UBE2E2: variants seen among roughly 807,000 people sequenced by gnomAD.
UBE2E2 encodes ubiquitin-conjugating enzyme E2 E2.
Under a neutral mutation model 24.7 loss-of-function variants are expected in UBE2E2, and 6 were observed. The observed-to-expected ratio is 0.24, with a 90% confidence interval of 0.13 to 0.48. UBE2E2 has a LOEUF of 0.48. Among genes scored for constraint, UBE2E2 ranks in the 20% least tolerant of loss-of-function variants. The pLI is 0.99. For synonymous variants in UBE2E2, 104 were observed against 83.6 expected, an observed-to-expected ratio of 1.24 and a Z score of -1.33; for missense variants, 169 against 245.0, an observed-to-expected ratio of 0.69 and a Z score of 2.07.
chr3:23,344,534 G>A (rs550417889), intron 3 of UBE2E2, among the ~76,000 whole-genome samples: 10 of 151,332 alleles, frequency 6.6e-5, no homozygotes, highest in Non-Finnish European at 4.4e-5. Flanking sequence ...TCCGAGTTGC[G>A]TCCCTAAAGG....
chr3:23,298,989 A>G (rs1185061696), intron 3 of UBE2E2, among the ~76,000 whole-genome samples: 1 of 152,128 alleles, frequency 6.6e-6, no homozygotes, highest in East Asian at 1.9e-4. Context: ...CTACTCAGAG[A>G]TTCAACTTCT....
intron 3 of UBE2E2, among the ~76,000 whole-genome samples, chr3:23,385,270 TAAAGG>T (rs1218208113): frequency 6.6e-6 from 1 of 152,250 alleles, no homozygotes; most frequent in African/African-American, 2.4e-5. Context: ...GGTTTTGCTG[TAAAGG>T]AATCACTTCA....
At chr3:23,431,424 T>C (rs1186240953) in intron 3 of UBE2E2, among the ~76,000 whole-genome samples, 2 of 152,164 alleles carry the variant, frequency 1.3e-5, no homozygotes, top group Non-Finnish European at 2.9e-5. Context: ...TCTAAAACAA[T>C]AGTTGCCACC....
chr3:23,591,491 G>A lies in UBE2E2; in HGVS notation c.*1660G>A, dbSNP rs537274044. On this transcript the variant is annotated 3_prime_UTR_variant, in exon 6 of 6. Transcript: ENST00000396703. ...GAATATTTTTTGTCTTTTTAATAAC[G>A]ATTTTACCATTCATTTTATTTAAAA... The A allele has an allele frequency of 1.7e-4, 26 of 152,104 alleles. No homozygotes were observed. The South Asian group carries it at 3.3e-3, about 19-fold the overall frequency. 9.4% of individuals were successfully genotyped at this position (152,104 alleles called of 1,614,324 possible).
At chr3:23,254,902 C>CT (rs141615120) in intron 3 of UBE2E2, among the ~76,000 whole-genome samples, 8 of 151,418 alleles carry the variant, frequency 5.3e-5, no homozygotes, top group African/African-American at 7.3e-5. Flanking sequence ...TTCTTTAAGG[C>CT]TTTTTTTTTC....
chr3:23,437,161 C>G lies in UBE2E2; in HGVS notation c.228-62447C>G, dbSNP rs542885523. Reference sequence around the variant, plus strand: ...TGGCCTTCCTTCCACTTCCCACACACGCCAGGTTTTTCTCATCCCAGGGCC... The same window carrying G: ...TGGCCTTCCTTCCACTTCCCACACAGGCCAGGTTTTTCTCATCCCAGGGCC... On this transcript the variant is annotated intron_variant, in intron 3 of 5. Transcript: ENST00000396703. 2.7e-4 allele frequency among the ~76,000 whole-genome samples: 41 copies of G among 152,322 alleles called. No individual in the cohort carries two copies. The South Asian group carries it at 8.5e-3, about 32-fold the overall frequency.
Position 23,459,115 on chromosome 3 carries a change from G to T in UBE2E2, c.228-40493G>T, listed in dbSNP as rs764453723. Among the ~76,000 whole-genome samples, 94 of 152,226 alleles carry T rather than the reference G, an allele frequency of 6.2e-4. 1 individual carries two copies. The Middle Eastern group carries it at 0.034, about 55-fold the overall frequency. ...CCCATACAGATTTAAACTAAACACA[G>T]ATCTTCTGTGGTCACAAATTATTGA... On this transcript the variant is annotated intron_variant, in intron 3 of 5. Transcript: ENST00000396703.
In UBE2E2 at chr3:23,589,651, C is replaced by A. The variant is rs73134480; in HGVS notation, c.509-83C>A. 1.3e-4 allele frequency: 184 copies of A among 1,428,514 alleles called. 1 individual carries two copies. The African/African-American group carries it at 2.3e-3, about 18-fold the overall frequency. 88.5% of individuals were successfully genotyped at this position (1,428,514 alleles called of 1,614,324 possible). ...GAACAGCAGCTTCTCATCTCCTACCCTCCCACTCCTTGCCAGCTTTCTGAA... is the reference window on the plus strand; with the variant it reads ...GAACAGCAGCTTCTCATCTCCTACCATCCCACTCCTTGCCAGCTTTCTGAA... On this transcript the variant is annotated intron_variant, in intron 5 of 5. Coordinates refer to ENST00000396703, the MANE Select transcript of UBE2E2 (RefSeq NM_152653.4). This position sits in a 1 kb window ranked among gnomAD's most constrained non-coding sequence, Gnocchi z 4.1.
chr3:23,276,031 G>A (rs1445642915), intron 3 of UBE2E2, among the ~76,000 whole-genome samples: 1 of 152,098 alleles, frequency 6.6e-6, no homozygotes, highest in Non-Finnish European at 1.5e-5. Flanking sequence ...AAGGCATGGT[G>A]TGGGGAAGAA....
At chr3:23,486,198 T>C (rs1291736666) in intron 3 of UBE2E2, among the ~76,000 whole-genome samples, 1 of 152,184 alleles carries the variant, frequency 6.6e-6, no homozygotes, top group Non-Finnish European at 1.5e-5. Context: ...CACAGCCAGG[T>C]ACACTGGCTT....
At chr3:23,267,160 C>A (rs971563055) in intron 3 of UBE2E2, among the ~76,000 whole-genome samples, 1 of 151,476 alleles carries the variant, frequency 6.6e-6, no homozygotes, top group Non-Finnish European at 1.5e-5. Context: ...AAAGCAAGAG[C>A]AAACACATTC....
chr3:23,407,919 G>A lies in UBE2E2; in HGVS notation c.228-91689G>A, dbSNP rs1472580182. On this transcript the variant is annotated intron_variant, in intron 3 of 5. Coordinates refer to ENST00000396703, the MANE Select transcript of UBE2E2 (RefSeq NM_152653.4). This position sits in a 1 kb window ranked among gnomAD's most constrained non-coding sequence, Gnocchi z 4.0. ...AATTTGAAGTTTATAGAAATTAGTG[G>A]GTATTGGAACCTTCTGAAATGAAAT... Among the ~76,000 whole-genome samples, 6 of 147,848 alleles carry A rather than the reference G, an allele frequency of 4.1e-5. No individual in the cohort carries two copies. Among genetic ancestry groups the A allele is most frequent in the African/African-American group, 1.5e-4 (6 of 39,092 alleles).
At chr3:23,270,816 C>T (rs1442518889) in intron 3 of UBE2E2, 1 of 408,576 alleles carries the variant, frequency 2.4e-6, no homozygotes, top group African/African-American at 2.1e-5. Context: ...TCATTTAACA[C>T]ACTCTCTTAG....
intron 3 of UBE2E2, among the ~76,000 whole-genome samples, chr3:23,218,267 G>T (rs1696533530): frequency 6.6e-6 from 1 of 152,030 alleles, no homozygotes; most frequent in Non-Finnish European, 1.5e-5. Flanking sequence ...ATCTAATATG[G>T]TTCTTCAAAT....
chr3:23,387,002 C>G (rs952135947), intron 3 of UBE2E2, among the ~76,000 whole-genome samples: 1 of 152,156 alleles, frequency 6.6e-6, no homozygotes, highest in African/African-American at 2.4e-5. Context: ...TTTAAAGTAC[C>G]TGCTATTTGA....
At chr3:23,319,034 A>G (rs1006338431) in intron 3 of UBE2E2, among the ~76,000 whole-genome samples, 10 of 152,166 alleles carry the variant, frequency 6.6e-5, no homozygotes, top group Admixed American at 2.0e-4. Flanking sequence ...TAAGAAGCCA[A>G]TGTATATTAA....
intron 3 of UBE2E2, among the ~76,000 whole-genome samples, chr3:23,403,851 T>G (rs193186164): frequency 1.9e-3 from 282 of 150,238 alleles, no homozygotes; most frequent in African/African-American, 6.4e-3. Context: ...GTAGTAATTT[T>G]AAAAACATAG....
chr3:23,449,711 C>T (rs1177944465), intron 3 of UBE2E2: 1 of 280,578 alleles, frequency 3.6e-6, no homozygotes, highest in Non-Finnish European at 5.4e-6. Context: ...ATCAATCACA[C>T]ATCATGATTC....
At chr3:23,563,250 A>T (rs927149866) in intron 5 of UBE2E2, among the ~76,000 whole-genome samples, 2 of 152,114 alleles carry the variant, frequency 1.3e-5, no homozygotes, top group African/African-American at 4.8e-5. Flanking sequence ...AATGTGTCCT[A>T]GAGATTCTAG....
Sources: gnomAD v4.1 joint callset for allele counts (sites outside exome capture counted in the v4.1 genomes callset) on GRCh38, gnomAD v4.1.1 for gene constraint, Gnocchi (gnomAD v3.1) non-coding constraint, MANE v1.5 for transcripts, NCBI Gene and HGNC (gene_info 2026-07-23, HGNC 2026-07-21) for gene names.